The following SCARB2 variants were observed in gnomAD, a reference collection of about 807,000 sequenced individuals.
The protein encoded by SCARB2 is scavenger receptor class B member 2.
In SCARB2, 29 loss-of-function variants were observed where a neutral mutation model predicts 58.6. The observed-to-expected ratio is 0.49, with a 90% confidence interval of 0.37 to 0.67. SCARB2 has a LOEUF of 0.67. SCARB2 is among the 30% of genes least tolerant of loss of function. SCARB2 has a pLI of 0.00. For missense variants in SCARB2, 488 were observed against 578.5 expected (o/e 0.84, Z 1.60); for synonymous variants, 195 against 210.1 (o/e 0.93, Z 0.62).
chr4:76,193,850 T>A (rs1732653856), intron 2 of SCARB2: 1 of 152,212 alleles, frequency 6.6e-6, no homozygotes, highest in South Asian at 2.1e-4. Context: ...TGAGAAGGGA[T>A]GATTATATTT....
intron 1 of SCARB2, among the ~76,000 whole-genome samples, chr4:76,198,969 CTTTATT>C (rs2109963560): frequency 6.6e-6 from 1 of 152,078 alleles, no homozygotes; most frequent in African/African-American, 2.4e-5. Context: ...AACAGTGTGT[CTTTATT>C]TTTATTTTCT....
Position 76,181,013 on chromosome 4 carries a change from C to A in SCARB2, c.364G>T (p.Asp122Tyr). Residue 122 changes from aspartate (D) to tyrosine (Y), a missense_variant, in exon 3 of 12, where the codon GAC becomes TAC. Physicochemically the swap from Asp to Tyr is radical, Grantham distance 160. Coordinates refer to ENST00000264896, the MANE Select transcript of SCARB2 (RefSeq NM_005506.4). ...ATTTTAGGGTCTCCAACAGATTGGT[C>A]TCGTTCAAAAACATAGGCCTTGTTG... is the stretch of plus-strand genomic sequence containing the variant. ...VSNKAYVFER[D>Y]QSVGDPKIDL... The A allele has an allele frequency of 6.2e-7, 1 of 1,613,690 alleles. No homozygotes were observed. The highest frequency in any genetic ancestry group is 8.5e-7 in the Non-Finnish European group (1 of 1,179,832).
chr4:76,231,935 C>A (rs1269252355), intron 1 of SCARB2, among the ~76,000 whole-genome samples: 2 of 152,184 alleles, frequency 1.3e-5, no homozygotes, highest in African/African-American at 4.8e-5. Flanking sequence ...GAAAGCATAC[C>A]CTTCCAGTCA....
chr4:76,178,570 T>C (rs1437717204), intron 4 of SCARB2, among the ~76,000 whole-genome samples: 1 of 152,134 alleles, frequency 6.6e-6, no homozygotes, highest in Non-Finnish European at 1.5e-5. Context: ...CCTGAAATTA[T>C]TTCTAGAAGG....
intron 9 of SCARB2, among the ~76,000 whole-genome samples, chr4:76,167,178 T>C (rs951013828): frequency 1.3e-4 from 20 of 152,142 alleles, no homozygotes; most frequent in South Asian, 4.1e-4. Flanking sequence ...ATTATAACTA[T>C]ACAAATGAGA....
At chr4:76,205,347 AC>A (rs1250357093) in intron 1 of SCARB2, among the ~76,000 whole-genome samples, 10 of 126,220 alleles carry the variant, frequency 7.9e-5, no homozygotes, top group African/African-American at 2.2e-4. Flanking sequence ...AAAAACAAAA[AC>A]AAAAATAAAA....
intron 2 of SCARB2, among the ~76,000 whole-genome samples, chr4:76,187,419 G>A (rs934028865): frequency 1.3e-5 from 2 of 152,138 alleles, no homozygotes; most frequent in African/African-American, 2.4e-5. Flanking sequence ...CAAACATGAG[G>A]AGAACATTCA....
chr4:76,167,915 T>C (rs942606660), intron 9 of SCARB2, among the ~76,000 whole-genome samples: 1 of 151,988 alleles, frequency 6.6e-6, no homozygotes, highest in Non-Finnish European at 1.5e-5. Context: ...CTCCTGACCT[T>C]GTGATCCACC....
chr4:76,215,216 TC>T (rs1454322599), upstream of SCARB2, among the ~76,000 whole-genome samples: 2 of 152,226 alleles, frequency 1.3e-5, no homozygotes, highest in Non-Finnish European at 2.9e-5. Context: ...CACTGCAAGA[TC>T]CAAGAAGTAC....
chr4:76,189,905 G>A (rs1190707335), intron 2 of SCARB2, among the ~76,000 whole-genome samples: 13 of 152,160 alleles, frequency 8.5e-5, no homozygotes, highest in Admixed American at 8.5e-4. Flanking sequence ...TGACATGTGG[G>A]GATTATGGAA....
At position 76,175,930 on chromosome 4, in the gene SCARB2, G is replaced by C. The variant is rs747460425; in HGVS notation, c.705-20C>G. 55 of 1,612,690 alleles carry C rather than the reference G, an allele frequency of 3.4e-5. No homozygotes were observed. Among genetic ancestry groups the C allele is most frequent in the Middle Eastern group, 1.7e-4 (1 of 6,056 alleles). ...AGTGACCTATAATTGATAAGCACAA[G>C]AAAGAGTAAAGATGATCACATTTGA... On this transcript the variant is annotated intron_variant, in intron 5 of 11. Transcript: ENST00000264896.
chr4:76,218,056 G>A (rs973467473), upstream of SCARB2, among the ~76,000 whole-genome samples: 3 of 152,228 alleles, frequency 2.0e-5, no homozygotes, highest in Non-Finnish European at 4.4e-5. Context: ...GGCCGGGCCA[G>A]GTGGCTCATG....
chr4:76,193,591 T>C (rs973606645), intron 2 of SCARB2: 8 of 152,272 alleles, frequency 5.3e-5, no homozygotes, highest in Non-Finnish European at 5.9e-5. Context: ...ATTTTGGAGC[T>C]TTATGATTTA....
intron 11 of SCARB2, chr4:76,163,002 TCCC>T: frequency 1.6e-6 from 1 of 619,588 alleles, no homozygotes; most frequent in East Asian, 2.7e-5. Flanking sequence ...GAGATTCTAT[TCCC>T]CAAATATTAG....
chr4:76,214,545 C>G (rs1733163245), upstream of SCARB2: 2 of 343,352 alleles, frequency 5.8e-6, no homozygotes, highest in Admixed American at 8.0e-5. Context: ...CCCAAGAGGT[C>G]AGACTTTGAA....
chr4:76,168,371 C>G (rs1327747003), intron 9 of SCARB2, 32 bp downstream of exon 9: 1 of 1,553,358 alleles, frequency 6.4e-7, no homozygotes. Flanking sequence ...AGCAAAACTG[C>G]TGTCCCCTCC....
chr4:76,210,112 T>C (rs923953892), intron 1 of SCARB2, among the ~76,000 whole-genome samples: 1 of 152,226 alleles, frequency 6.6e-6, no homozygotes, highest in African/African-American at 2.4e-5. Flanking sequence ...GCTAAAGACA[T>C]AACAACTGTT....
intron 1 of SCARB2, among the ~76,000 whole-genome samples, chr4:76,233,484 C>A (rs894057237): frequency 6.6e-6 from 1 of 152,110 alleles, no homozygotes; most frequent in Non-Finnish European, 1.5e-5. Context: ...TGAAAGGCAT[C>A]ACAGCTTTTA....
chr4:76,213,384 G>A, intron 1 of SCARB2, 43 bp downstream of exon 1: 9 of 1,342,962 alleles, frequency 6.7e-6, no homozygotes, highest in Non-Finnish European at 8.5e-6. Flanking sequence ...GGGAGGGTGA[G>A]CTGGACGACT....
Sources: allele counts gnomAD v4.1 joint callset (sites outside exome capture counted in the v4.1 genomes callset), GRCh38; gene constraint gnomAD v4.1.1; transcripts MANE v1.5; gene names NCBI Gene and HGNC (gene_info 2026-07-23, HGNC 2026-07-21).